The following IGSF21 variants were observed in gnomAD, a reference collection of about 807,000 sequenced individuals.
IGSF21 encodes immunoglobulin superfamily member 21.
Under a neutral mutation model 46.8 loss-of-function variants are expected in IGSF21, and 28 were observed. The observed-to-expected ratio is 0.60, with a 90% CI of 0.44 to 0.82. The LOEUF (loss-of-function observed/expected upper bound fraction) is 0.82, where lower values mean the gene tolerates loss of function less well. Ranked by LOEUF, IGSF21 falls within the 40% of genes least tolerant of loss-of-function variation. IGSF21 has a pLI of 0.00. For synonymous variants in IGSF21, 284 were observed against 273.6 expected, an observed-to-expected ratio of 1.04 and a Z score of -0.38; for missense variants, 624 against 665.5, an observed-to-expected ratio of 0.94 and a Z score of 0.69.
intron 2 of IGSF21, among the ~76,000 whole-genome samples, chr1:18,256,544 C>T (rs1177373865): frequency 1.3e-5 from 2 of 152,134 alleles, no homozygotes; most frequent in East Asian, 1.9e-4. Context: ...GGGGCAGCCT[C>T]ACTCAGAAAC....
intron 3 of IGSF21, among the ~76,000 whole-genome samples, chr1:18,331,747 G>A (rs1049615891): frequency 4.6e-5 from 7 of 152,206 alleles, no homozygotes; most frequent in African/African-American, 1.7e-4. Context: ...GTAAACCTCT[G>A]CCTCCATATT....
At chr1:18,288,882 T>G (rs950753291) in intron 2 of IGSF21, among the ~76,000 whole-genome samples, 5 of 152,172 alleles carry the variant, frequency 3.3e-5, no homozygotes, top group African/African-American at 1.2e-4. Context: ...AGTTATTTAC[T>G]CCTCTGGCTG....
intron 1 of IGSF21, among the ~76,000 whole-genome samples, chr1:18,147,594 G>A (rs543659388): frequency 5.3e-5 from 8 of 151,932 alleles, no homozygotes; most frequent in African/African-American, 1.4e-4. Flanking sequence ...CTGCTTGCTA[G>A]CATTAATAAT....
chr1:18,364,779 C>T (rs997237121), intron 5 of IGSF21, among the ~76,000 whole-genome samples: 2 of 152,112 alleles, frequency 1.3e-5, no homozygotes, highest in South Asian at 2.1e-4. Flanking sequence ...ACTTCATCCC[C>T]GGTGCCTTCC....
Position 18,291,938 on chromosome 1 carries a change from A to T in IGSF21, c.256A>T (p.Met86Leu), listed in dbSNP as rs777695055. 1 of 1,611,216 alleles carries T rather than the reference A, an allele frequency of 6.2e-7. No individual in the cohort carries two copies. The highest frequency in any genetic ancestry group is 1.1e-5 in the South Asian group (1 of 91,032). Residue 86 changes from methionine (M) to leucine (L), a missense_variant, in exon 3 of 10, where the codon ATG (methionine) becomes TTG (leucine). Transcript: ENST00000251296. ...CATGTTCTCCACCAACTACTCACAC[A>T]TGGAGAACTACCGCAAGCGAGAGGA... ...DAMFSTNYSHMENYRKREDLV... is the reference protein window; with the variant it reads ...DAMFSTNYSHLENYRKREDLV...
intron 4 of IGSF21, among the ~76,000 whole-genome samples, chr1:18,351,634 C>T (rs2085956447): frequency 6.6e-6 from 1 of 152,200 alleles, no homozygotes; most frequent in African/African-American, 2.4e-5. Context: ...GCCTCCCTAC[C>T]TGCCTCCCCA....
intron 1 of IGSF21, among the ~76,000 whole-genome samples, chr1:18,199,524 C>T (rs1457346807): frequency 2.0e-5 from 3 of 152,206 alleles, no homozygotes; most frequent in Admixed American, 6.5e-5. Flanking sequence ...TCAATCCAGG[C>T]ATCCGACTCC....
At chr1:18,297,967 T>C (rs1419030139) in intron 3 of IGSF21, among the ~76,000 whole-genome samples, 2 of 152,130 alleles carry the variant, frequency 1.3e-5, no homozygotes, top group East Asian at 3.9e-4. Flanking sequence ...ATACCTGGAA[T>C]GTATCTCCAG....
chr1:18,291,969 T>A lies in IGSF21; in HGVS notation c.287T>A (p.Val96Glu). 6.2e-7 allele frequency: 1 copy of A among 1,613,400 alleles called. No homozygotes were observed. The highest frequency in any genetic ancestry group is 8.5e-7 in the Non-Finnish European group (1 of 1,179,892). The change falls in exon 3 of 10, where the codon GTG becomes GAG. Residue 96 changes from valine (V) to glutamate (E), a missense_variant. Coordinates refer to ENST00000251296, the MANE Select transcript of IGSF21 (RefSeq NM_032880.5). ...MENYRKREDLVYQSTVRLPEV... is the reference protein window; with the variant it reads ...MENYRKREDLEYQSTVRLPEV... ...AACTACCGCAAGCGAGAGGACCTGGTGTACCAGTCCACTGTGAGGTGAGTG... is the reference window on the plus strand; with the variant it reads ...AACTACCGCAAGCGAGAGGACCTGGAGTACCAGTCCACTGTGAGGTGAGTG...
At chr1:18,201,532 A>G (rs9725311) in intron 1 of IGSF21, among the ~76,000 whole-genome samples, 105,984 of 152,018 alleles carry the variant, frequency 0.7, 37,765 homozygotes, top group African/African-American at 0.8. Flanking sequence ...GCCTGGCTGG[A>G]TGGACAGCAC....
Position 18,322,519 on chromosome 1 carries a change from C to T in IGSF21, c.306-12373C>T, listed in dbSNP as rs2085613496. On this transcript the variant is annotated intron_variant, in intron 3 of 9. Transcript: ENST00000251296. The surrounding 1 kb of genome is among the most constrained non-coding windows in gnomAD (Gnocchi z 4.3). The stretch of plus-strand genomic sequence containing the variant: ...AGGAGGCGGCGAGCTCAGCCACGGG[C>T]CCAGCCTTCCAAGTTTGCTCACTGC... Among the ~76,000 whole-genome samples, 1 of 152,158 alleles carries T rather than the reference C, an allele frequency of 6.6e-6. No individual in the cohort carries two copies. The highest frequency in any genetic ancestry group is 1.5e-5 in the Non-Finnish European group (1 of 68,040).
intron 3 of IGSF21, among the ~76,000 whole-genome samples, chr1:18,304,870 C>T (rs771602545): frequency 1.8e-4 from 27 of 152,192 alleles, no homozygotes; most frequent in Non-Finnish European, 2.9e-4. Flanking sequence ...CCAGGAAAGA[C>T]CCAATTTAGT....
chr1:18,231,514 G>C (rs928418916), intron 2 of IGSF21, among the ~76,000 whole-genome samples: 1 of 152,204 alleles, frequency 6.6e-6, no homozygotes, highest in African/African-American at 2.4e-5. Flanking sequence ...CCAAAACTAT[G>C]AGAATAGACT....
chr1:18,210,728 C>T (rs995152028), intron 1 of IGSF21, among the ~76,000 whole-genome samples: 3 of 152,186 alleles, frequency 2.0e-5, no homozygotes, highest in South Asian at 2.1e-4. Flanking sequence ...CCGGTTCCTG[C>T]ACACCAGATG....
chr1:18,281,080 G>A (rs905591039), intron 2 of IGSF21, among the ~76,000 whole-genome samples: 1 of 95,636 alleles, frequency 1.0e-5, no homozygotes, highest in African/African-American at 4.6e-5. Context: ...TCTGTCCACA[G>A]GCCTGGCCTG....
intron 1 of IGSF21, among the ~76,000 whole-genome samples, chr1:18,186,674 C>T (rs2124472989): frequency 6.6e-6 from 1 of 152,282 alleles, no homozygotes; most frequent in Middle Eastern, 3.4e-3. Context: ...GTTGGCTTCC[C>T]TTTTTTAAGA....
At chr1:18,181,362 CAG>C (rs1570310074) in intron 1 of IGSF21, among the ~76,000 whole-genome samples, 2 of 152,214 alleles carry the variant, frequency 1.3e-5, no homozygotes, top group East Asian at 3.9e-4. Context: ...CGTTTAATTA[CAG>C]GACCATGCAC....
chr1:18,108,846 G>C (rs1444289296), intron 1 of IGSF21, among the ~76,000 whole-genome samples: 2 of 151,842 alleles, frequency 1.3e-5, no homozygotes, highest in Non-Finnish European at 2.9e-5. Flanking sequence ...CTGCTTATGT[G>C]GGATGGGTGG....
intron 1 of IGSF21, among the ~76,000 whole-genome samples, chr1:18,173,169 T>A (rs1198573549): frequency 6.6e-6 from 1 of 152,114 alleles, no homozygotes; most frequent in African/African-American, 2.4e-5. Context: ...GTGCCTGTAG[T>A]CTCAGCTACT....
Sources: allele counts gnomAD v4.1 joint callset (sites outside exome capture counted in the v4.1 genomes callset), GRCh38; gene constraint gnomAD v4.1.1; non-coding constraint Gnocchi (gnomAD v3.1); transcripts MANE v1.5; gene names NCBI Gene and HGNC (gene_info 2026-07-23, HGNC 2026-07-21).